Variants in RNLS observed in about 807,000 individuals in gnomAD.
The protein encoded by RNLS is renalase, FAD dependent amine oxidase, also known as renalase.
In RNLS, 39 loss-of-function variants were observed where a neutral mutation model predicts 39.8. The observed-to-expected ratio is 0.98, with a 90% CI of 0.76 to 1.28. The LOEUF is 1.28. Ranked by LOEUF, RNLS falls within the 50% of genes most tolerant of loss-of-function variation. The pLI, the probability that RNLS is intolerant of heterozygous loss-of-function variation, is 0.00. For missense variants in RNLS, 410 were observed against 413.3 expected (o/e 0.99, Z 0.07); for synonymous variants, 147 against 150.7 (o/e 0.98, Z 0.18).
chr10:88,366,181 G>A (rs1850086275), intron 4 of RNLS, among the ~76,000 whole-genome samples: 1 of 152,108 alleles, frequency 6.6e-6, no homozygotes, highest in African/African-American at 2.4e-5. Flanking sequence ...TACATAACAG[G>A]TTTGAGTGAG....
intron 5 of RNLS, among the ~76,000 whole-genome samples, chr10:88,359,319 A>AAAAAC (rs1179489376): frequency 6.6e-6 from 1 of 152,196 alleles, no homozygotes; most frequent in African/African-American, 2.4e-5. Context: ...ACATTAAAAA[A>AAAAAC]AAAAAACAAA....
intron 4 of RNLS, among the ~76,000 whole-genome samples, chr10:88,383,696 T>C (rs1851687590): frequency 6.6e-6 from 1 of 152,170 alleles, no homozygotes; most frequent in Non-Finnish European, 1.5e-5. Context: ...TATAATGACA[T>C]GCTAAAAGGC....
At chr10:88,308,721 A>G (rs988578556) in intron 6 of RNLS, among the ~76,000 whole-genome samples, 3 of 152,214 alleles carry the variant, frequency 2.0e-5, no homozygotes, top group African/African-American at 7.2e-5. Flanking sequence ...GCGATTCCTT[A>G]AAGACCTAAA....
chr10:88,341,101 G>A lies in RNLS; in HGVS notation c.700+21451C>T, dbSNP rs181950140. 1.4e-3 allele frequency among the ~76,000 whole-genome samples: 216 copies of A among 149,828 alleles called. 2 individuals are homozygous for A. The highest frequency in any genetic ancestry group is 3.9e-3 in the African/African-American group (158 of 40,868). ...AAACAGCAATTTGGGAGGCCTAGGC[G>A]GGCGGATCACCTGAGGTCGGGAGTT... On this transcript the variant is annotated intron_variant, in intron 5 of 6. Coordinates refer to ENST00000331772, the MANE Select transcript of RNLS (RefSeq NM_001031709.3).
chr10:88,462,373 T>C (rs1564818951), intron 4 of RNLS, among the ~76,000 whole-genome samples: 1 of 152,014 alleles, frequency 6.6e-6, no homozygotes, highest in African/African-American at 2.4e-5. Context: ...AATTATACTC[T>C]TTATATTAGA....
chr10:88,309,443 T>G, intron 6 of RNLS: 8 of 1,289,840 alleles, frequency 6.2e-6, no homozygotes, highest in Non-Finnish European at 8.1e-6. Flanking sequence ...CAAGCTCTTC[T>G]GTGTGCACAT....
chr10:88,369,593 C>T (rs530514058), intron 4 of RNLS, among the ~76,000 whole-genome samples: 7 of 152,234 alleles, frequency 4.6e-5, no homozygotes, highest in East Asian at 3.9e-4. Context: ...GGAGTAGTAA[C>T]GGCTTCCTGC....
At chr10:88,560,358 G>A (rs1396732454) in intron 4 of RNLS, among the ~76,000 whole-genome samples, 2 of 151,638 alleles carry the variant, frequency 1.3e-5, no homozygotes, top group Admixed American at 6.6e-5. Context: ...TACATTTAAA[G>A]AAGCCACCAG....
At chr10:88,254,367 A>C in the RNLS span, among the ~76,000 whole-genome samples, 1 of 152,252 alleles carries the variant, frequency 6.6e-6, no homozygotes. Context: ...AATTAAGGCC[A>C]GGAAAAGGAC....
At chr10:88,532,446 T>C (rs970140305) in intron 4 of RNLS, among the ~76,000 whole-genome samples, 10 of 152,056 alleles carry the variant, frequency 6.6e-5, no homozygotes, top group Non-Finnish European at 1.3e-4. Context: ...TATGATATTG[T>C]TTCTAATGAT....
At chr10:88,396,103 G>A (rs1489573747) in intron 4 of RNLS, among the ~76,000 whole-genome samples, 1 of 151,976 alleles carries the variant, frequency 6.6e-6, no homozygotes, top group African/African-American at 2.4e-5. Flanking sequence ...AAGTCCTTCA[G>A]GCTAAAATGA....
chr10:88,482,289 C>T (rs1040751334), intron 4 of RNLS, among the ~76,000 whole-genome samples: 2 of 152,118 alleles, frequency 1.3e-5, no homozygotes, highest in East Asian at 3.8e-4. Flanking sequence ...TATGTTGGTA[C>T]ACTCAATGTT....
At position 88,583,224 on chromosome 10, in the gene RNLS, T is replaced by C. The variant is rs772647118; in HGVS notation, c.-34A>G. On this transcript the variant is annotated 5_prime_UTR_variant, in exon 1 of 7. Transcript: ENST00000331772. ...GGAGCAGCGATCCGCGCTGAGTCTC[T>C]GCGGCGGGGCCGTTCGGCCCGGGCT... 2 of 1,611,240 alleles carry C rather than the reference T, an allele frequency of 1.2e-6. No individual in the cohort carries two copies. Among genetic ancestry groups the C allele is most frequent in the Non-Finnish European group, 1.7e-6 (2 of 1,179,160 alleles).
intron 3 of RNLS, among the ~76,000 whole-genome samples, chr10:88,575,829 C>A (rs932134293): frequency 6.6e-6 from 1 of 152,126 alleles, no homozygotes; most frequent in Non-Finnish European, 1.5e-5. Context: ...TTTAACATTG[C>A]TTACAAAGCC....
At chr10:88,519,341 T>G (rs1846578429) in intron 4 of RNLS, among the ~76,000 whole-genome samples, 1 of 151,918 alleles carries the variant, frequency 6.6e-6, no homozygotes, top group Non-Finnish European at 1.5e-5. Context: ...ACATGTAATC[T>G]CATTTATTAG....
the RNLS span, among the ~76,000 whole-genome samples, chr10:88,212,129 C>A: frequency 6.6e-6 from 1 of 152,002 alleles, no homozygotes; most frequent in East Asian, 1.9e-4. Context: ...CTTCTCTGAC[C>A]CTCAGTCCTC....
At chr10:88,294,704 A>G (rs1170168423) in intron 6 of RNLS, among the ~76,000 whole-genome samples, 1 of 152,104 alleles carries the variant, frequency 6.6e-6, no homozygotes, top group Non-Finnish European at 1.5e-5. Context: ...GCTGTGTCTT[A>G]CTCATCTTTG....
intron 3 of RNLS, among the ~76,000 whole-genome samples, chr10:88,581,025 T>C (rs1296923968): frequency 6.6e-6 from 1 of 152,086 alleles, no homozygotes; most frequent in African/African-American, 2.4e-5. Context: ...CATGCATCAA[T>C]GTTTGTATTA....
At chr10:88,290,136 T>C (rs938237153) in intron 6 of RNLS, among the ~76,000 whole-genome samples, 4 of 152,200 alleles carry the variant, frequency 2.6e-5, no homozygotes, top group Admixed American at 2.6e-4. Context: ...AAATGATAGT[T>C]GATTATTTGC....
Sources: allele counts gnomAD v4.1 joint callset (sites outside exome capture counted in the v4.1 genomes callset), GRCh38; gene constraint gnomAD v4.1.1; transcripts MANE v1.5; gene names NCBI Gene and HGNC (gene_info 2026-07-23, HGNC 2026-07-21).